The following EXOC2 variants were observed in gnomAD, a reference collection of about 807,000 sequenced individuals.
EXOC2 encodes SEC5-like 1.
In EXOC2, 70 loss-of-function variants were observed where a neutral mutation model predicts 131.8. That is an observed-to-expected ratio of 0.53 (90% CI 0.44 to 0.65). The LOEUF (loss-of-function observed/expected upper bound fraction) is 0.65. EXOC2 is among the 30% of genes least tolerant of loss of function. The probability of loss-of-function intolerance (pLI) is 0.00; values close to 1 mark genes in which losing one functional copy is unlikely to be tolerated. For missense variants in EXOC2, 923 were observed against 1,108.6 expected, an observed-to-expected ratio of 0.83 and a Z score of 2.38; for synonymous variants, 411 against 398.4, an observed-to-expected ratio of 1.03 and a Z score of -0.38.
In EXOC2 at chr6:497,427, A is replaced by C. The variant is rs1044915822; in HGVS notation, c.2499T>G (p.Ser833=). 1.2e-6 allele frequency: 2 copies of C among 1,613,982 alleles called. No individual in the cohort carries two copies. Among genetic ancestry groups the C allele is most frequent in the African/African-American group, 2.7e-5 (2 of 74,938 alleles). ...ACTGCATCAGTCGACTGAGCTCTTC[A>C]GAAACTGCTTCTATCACCTTGGATA... ...RVLSKVIEAV[S]EELSRLMQCV... is the part of the protein sequence containing the mutation. The change falls in exon 25 of 28, where the codon TCT becomes TCG. Residue 833 remains serine, a synonymous_variant. Transcript: ENST00000230449.
At chr6:612,751 G>T (rs1171479682) in intron 6 of EXOC2, among the ~76,000 whole-genome samples, 1 of 152,164 alleles carries the variant, frequency 6.6e-6, no homozygotes, top group Admixed American at 6.5e-5. Flanking sequence ...AGGAACAGGG[G>T]AAGGAAGACA....
intron 11 of EXOC2, among the ~76,000 whole-genome samples, chr6:582,152 T>C (rs1758941206): frequency 6.6e-6 from 1 of 152,178 alleles, no homozygotes; most frequent in South Asian, 2.1e-4. Context: ...TTATTATACC[T>C]AGAATTCTGT....
At chr6:556,655 C>T (rs2245544) in intron 17 of EXOC2, 91 bp from the exon 18 acceptor site, 62,078 of 1,345,526 alleles carry the variant, frequency 0.046, 4,748 homozygotes, top group East Asian at 0.4. Flanking sequence ...CCAAGCCCCA[C>T]ATTTTCCAGA....
intron 1 of EXOC2, among the ~76,000 whole-genome samples, chr6:679,809 T>C (rs1354873985): frequency 1.3e-5 from 2 of 152,030 alleles, no homozygotes; most frequent in Non-Finnish European, 1.5e-5. Flanking sequence ...ATTAGCGAAA[T>C]AGAAAGACAT....
At position 592,473 on chromosome 6, in the gene EXOC2, C is replaced by T. The variant is rs774454733; in HGVS notation, c.1188G>A (p.Leu396=). Residue 396 remains leucine (L), a synonymous_variant, in exon 11 of 28, where the codon CTG becomes CTA. Transcript: ENST00000230449. Reference sequence around the variant, plus strand: ...CATTGGAAGAGAAATCCTTGCCTTTCAGATCTTTCACGTAGCCCTCTTTGC... The same window carrying T: ...CATTGGAAGAGAAATCCTTGCCTTTTAGATCTTTCACGTAGCCCTCTTTGC... The part of the protein sequence containing the change: ...HSCKEGYVKD[L]KGNPGLHSPM... The T allele has an allele frequency of 1.9e-6, 3 of 1,612,954 alleles. No homozygotes were observed. Among genetic ancestry groups the T allele is most frequent in the East Asian group, 2.2e-5 (1 of 44,836 alleles).
At chr6:530,068 T>C (rs923379902) in intron 23 of EXOC2, among the ~76,000 whole-genome samples, 2 of 152,208 alleles carry the variant, frequency 1.3e-5, no homozygotes, top group Non-Finnish European at 2.9e-5. Flanking sequence ...GCAACTACCA[T>C]ATGAGAATTC....
At chr6:524,235 A>G (rs1765629533) in intron 23 of EXOC2, 1 of 152,230 alleles carries the variant, frequency 6.6e-6, no homozygotes, top group Non-Finnish European at 1.5e-5. Flanking sequence ...TAGAGGTGTC[A>G]TCTTGTGAAG....
chr6:577,016 TAAAATA>T, intron 11 of EXOC2, 134 bp from the exon 12 acceptor site: 1 of 735,636 alleles, frequency 1.4e-6, no homozygotes, highest in Admixed American at 3.7e-5. Flanking sequence ...ATTTATTAAA[TAAAATA>T]AAAAGTATTT....
intron 23 of EXOC2, among the ~76,000 whole-genome samples, chr6:508,240 A>G (rs535481024): frequency 4.6e-5 from 7 of 152,136 alleles, no homozygotes. Flanking sequence ...GGCCGCCCCA[A>G]CTGTCAGCAT....
chr6:667,232 T>C lies in EXOC2; in HGVS notation c.-44+25787A>G, dbSNP rs1245431364. 8.2e-5 allele frequency among the ~76,000 whole-genome samples: 8 copies of C among 98,010 alleles called. 2 individuals are homozygous for C. Among genetic ancestry groups the C allele is most frequent in the African/African-American group, 2.4e-4 (8 of 32,964 alleles). 64.3% of individuals were successfully genotyped at this position (98,010 alleles called of 152,430 possible). A position where few individuals can be genotyped will look rare whatever the true frequency, so the allele number is the denominator to read the frequency against. On this transcript the variant is annotated intron_variant, in intron 1 of 27. Coordinates refer to ENST00000230449, the MANE Select transcript of EXOC2 (RefSeq NM_018303.6). ...CATCATTATCACTGTTGTTTTTTGA[T>C]GAATATCTTTTAGTGTTTCTTACAA...
In EXOC2 at chr6:499,658, G is replaced by T. The variant is rs1297634813; in HGVS notation, c.2423C>A (p.Ala808Asp). The stretch of plus-strand genomic sequence containing the variant: ...ATGATACTTTACCTCTGCATGCACG[G>T]CAATTATATTCACCAGTGCTTCTTT... ...YLKEALVNII[A>D]VHAEVFTISK... The change falls in exon 24 of 28, where the codon GCC (alanine) becomes GAC (aspartate). Residue 808 changes from alanine to aspartate, a missense_variant. Ala to Asp is a moderately radical substitution (Grantham distance 126). Coordinates refer to ENST00000230449, the MANE Select transcript of EXOC2 (RefSeq NM_018303.6). 6.2e-7 allele frequency: 1 copy of T among 1,613,450 alleles called. No individual in the cohort carries two copies. The highest frequency in any genetic ancestry group is 2.2e-5 in the East Asian group (1 of 44,860).
chr6:610,971 G>GA (rs1760684911), intron 6 of EXOC2, among the ~76,000 whole-genome samples: 1 of 152,220 alleles, frequency 6.6e-6, no homozygotes. Flanking sequence ...GGAGTGAGGA[G>GA]AAAGTAATTT....
chr6:634,463 C>T (rs947526960), intron 2 of EXOC2, among the ~76,000 whole-genome samples: 8 of 152,122 alleles, frequency 5.3e-5, no homozygotes, highest in African/African-American at 1.9e-4. Context: ...TGTTTTCTTT[C>T]GGCTTTTTTT....
chr6:556,355 G>T, intron 18 of EXOC2, 129 bp downstream of exon 18: 1 of 985,166 alleles, frequency 1.0e-6, no homozygotes, highest in Non-Finnish European at 1.5e-6. Flanking sequence ...CATCTACGCA[G>T]TTAAACTAAA....
chr6:580,342 G>A (rs1254176081), intron 11 of EXOC2, among the ~76,000 whole-genome samples: 1 of 152,028 alleles, frequency 6.6e-6, no homozygotes, highest in East Asian at 1.9e-4. Flanking sequence ...GTCCAGCCCT[G>A]GGTGCAGTTT....
intron 1 of EXOC2, among the ~76,000 whole-genome samples, chr6:692,680 A>C (rs1479105676): frequency 6.6e-6 from 1 of 152,270 alleles, no homozygotes; most frequent in Non-Finnish European, 1.5e-5. Flanking sequence ...GCAACTGCGC[A>C]AGGGCGAAGC....
At chr6:545,311 T>C (rs912982101) in intron 22 of EXOC2, among the ~76,000 whole-genome samples, 2 of 152,140 alleles carry the variant, frequency 1.3e-5, no homozygotes, top group African/African-American at 4.8e-5. Flanking sequence ...GTATTTTATA[T>C]ATGTAAAAGC....
chr6:615,719 C>T (rs1384319695), intron 6 of EXOC2, among the ~76,000 whole-genome samples: 1 of 80,438 alleles, frequency 1.2e-5, no homozygotes, highest in Admixed American at 1.3e-4. Flanking sequence ...GACTCCATCT[C>T]AAAAGAAAAA....
chr6:656,877 AC>A lies in EXOC2; in HGVS notation c.-43-19017del, dbSNP rs1239676251. On this transcript the variant is annotated intron_variant, in intron 1 of 27. Transcript: ENST00000230449. ...CACGCAGACCTTCGCTAGCCTCGCG[AC>A]GGTGCCGCTGACGTGAATGAACAGC... 5.0e-6 allele frequency: 8 copies of A among 1,604,830 alleles called. No individual in the cohort carries two copies. The East Asian group carries it at 1.6e-4, about 32-fold the overall frequency.
Sources: allele counts gnomAD v4.1 joint callset (sites outside exome capture counted in the v4.1 genomes callset), GRCh38; gene constraint gnomAD v4.1.1; transcripts MANE v1.5; gene names NCBI Gene and HGNC (gene_info 2026-07-23, HGNC 2026-07-21).